NRG3: variants seen among roughly 807,000 people sequenced by gnomAD.
NRG3 encodes the protein neuregulin 3.
A neutral mutation model predicts 66.9 loss-of-function variants in NRG3; 31 were observed. The observed-to-expected ratio is 0.46, with a 90% CI of 0.35 to 0.63. The LOEUF (loss-of-function observed/expected upper bound fraction) is 0.63. Among genes scored for constraint, NRG3 ranks in the 20% least tolerant of loss-of-function variants. NRG3 has a pLI of 0.00. For synonymous variants in NRG3, 393 were observed against 359.4 expected (o/e 1.09, Z -1.06); for missense variants, 910 against 878.9 (o/e 1.04, Z -0.45).
chr10:82,577,062 T>C (rs2133175490), intron 2 of NRG3, among the ~76,000 whole-genome samples: 1 of 151,972 alleles, frequency 6.6e-6, no homozygotes, highest in East Asian at 1.9e-4. Context: ...TTTTTTTGGT[T>C]GCAGTTATTC....
chr10:82,819,783 T>C (rs183343810), intron 3 of NRG3, among the ~76,000 whole-genome samples: 90 of 152,324 alleles, frequency 5.9e-4, no homozygotes, highest in African/African-American at 1.9e-3. Flanking sequence ...TTGTGGGCTT[T>C]ACATGCTTTG....
intron 2 of NRG3, among the ~76,000 whole-genome samples, chr10:82,547,625 G>A (rs540262520): frequency 2.8e-5 from 4 of 142,952 alleles, no homozygotes; most frequent in Non-Finnish European, 6.1e-5. Flanking sequence ...ATACATATAT[G>A]TGTGTGTGTG....
chr10:82,748,953 TAG>T (rs1591399269), intron 3 of NRG3, among the ~76,000 whole-genome samples: 1 of 151,992 alleles, frequency 6.6e-6, no homozygotes, highest in South Asian at 2.1e-4. Context: ...CGCTTTCCCA[TAG>T]AGTTATAATT....
At chr10:82,159,479 A>G (rs1302548880) in intron 1 of NRG3, among the ~76,000 whole-genome samples, 2 of 151,834 alleles carry the variant, frequency 1.3e-5, no homozygotes, top group Non-Finnish European at 2.9e-5. Flanking sequence ...TCATTCCGGA[A>G]TCAGTTTCCT....
chr10:82,617,650 C>T (rs1162022655), intron 2 of NRG3, among the ~76,000 whole-genome samples: 1 of 152,102 alleles, frequency 6.6e-6, no homozygotes, highest in African/African-American at 2.4e-5. Context: ...TTAGGAAAAA[C>T]AATGTCAAAA....
chr10:82,309,142 A>G (rs527682158), intron 1 of NRG3, among the ~76,000 whole-genome samples: 11 of 152,326 alleles, frequency 7.2e-5, no homozygotes, highest in Non-Finnish European at 1.5e-4. Context: ...ATTAATTCCT[A>G]AGATCCCGTC....
intron 1 of NRG3, among the ~76,000 whole-genome samples, chr10:81,972,680 T>C (rs2059974823): frequency 6.6e-6 from 1 of 152,146 alleles, no homozygotes; most frequent in African/African-American, 2.4e-5. Flanking sequence ...ATTAGTGATC[T>C]GTGGGGCAAC....
chr10:82,551,069 A>G (rs1046835543), intron 2 of NRG3, among the ~76,000 whole-genome samples: 3 of 152,156 alleles, frequency 2.0e-5, no homozygotes, highest in African/African-American at 7.2e-5. Context: ...CCAATGACAT[A>G]ATATTTGCCT....
At chr10:82,238,496 G>C (rs1589430713) in intron 1 of NRG3, among the ~76,000 whole-genome samples, 1 of 152,094 alleles carries the variant, frequency 6.6e-6, no homozygotes, top group African/African-American at 2.4e-5. Flanking sequence ...GGATTTGATT[G>C]CAAGTTTCTT....
At chr10:82,765,917 G>A (rs2059496443) in intron 3 of NRG3, among the ~76,000 whole-genome samples, 1 of 152,140 alleles carries the variant, frequency 6.6e-6, no homozygotes, top group African/African-American at 2.4e-5. Flanking sequence ...TTTAATATCA[G>A]ATTTGATTTC....
At chr10:82,030,020 C>T (rs1056131917) in intron 1 of NRG3, among the ~76,000 whole-genome samples, 7 of 152,032 alleles carry the variant, frequency 4.6e-5, no homozygotes, top group African/African-American at 1.2e-4. Flanking sequence ...GTCACAAATA[C>T]GAGTTGAAAT....
intron 1 of NRG3, among the ~76,000 whole-genome samples, chr10:82,073,654 T>G (rs560022306): frequency 6.6e-6 from 1 of 152,290 alleles, no homozygotes; most frequent in East Asian, 1.9e-4. Flanking sequence ...AATAGGGATG[T>G]GCTATAATTT....
chr10:82,897,947 G>C (rs1040330999), intron 4 of NRG3, among the ~76,000 whole-genome samples: 2 of 152,224 alleles, frequency 1.3e-5, no homozygotes, highest in African/African-American at 4.8e-5. Flanking sequence ...ATTAATATAT[G>C]TTCACTTAGC....
chr10:82,061,957 A>G (rs2064178178), intron 1 of NRG3, among the ~76,000 whole-genome samples: 3 of 152,186 alleles, frequency 2.0e-5, no homozygotes, highest in African/African-American at 7.2e-5. Flanking sequence ...GCAATTATAT[A>G]TAGAAATTAG....
At chr10:82,588,265 G>A (rs1004870139) in intron 2 of NRG3, among the ~76,000 whole-genome samples, 6 of 152,154 alleles carry the variant, frequency 3.9e-5, no homozygotes, top group Admixed American at 1.3e-4. Context: ...ATCATAGGGA[G>A]CACCATCCTC....
chr10:82,965,261 G>A (rs1357766845), intron 6 of NRG3, among the ~76,000 whole-genome samples: 1 of 152,112 alleles, frequency 6.6e-6, no homozygotes, highest in African/African-American at 2.4e-5. Flanking sequence ...CTGTGTCAAG[G>A]AAATAACATA....
At chr10:82,408,103 GAA>G (rs1262664255) in intron 2 of NRG3, among the ~76,000 whole-genome samples, 1 of 130,078 alleles carries the variant, frequency 7.7e-6, no homozygotes, top group African/African-American at 3.1e-5. Context: ...AAGAAAGAAA[GAA>G]AGAAAGAAAG....
chr10:82,827,536 AG>A (rs2062295877), intron 3 of NRG3, among the ~76,000 whole-genome samples: 1 of 152,214 alleles, frequency 6.6e-6, no homozygotes, highest in Non-Finnish European at 1.5e-5. Flanking sequence ...CAGAAATGAA[AG>A]AAAAAACCCT....
chr10:82,032,392 T>TTGTTGC (rs1160231222), intron 1 of NRG3, among the ~76,000 whole-genome samples: 2 of 11,068 alleles, frequency 1.8e-4, no homozygotes, highest in Non-Finnish European at 5.5e-4. Flanking sequence ...GGTTCCTGGT[T>TTGTTGC]TGTTGTTGTT....
Sources: gnomAD v4.1 joint callset for allele counts (sites outside exome capture counted in the v4.1 genomes callset) on GRCh38, gnomAD v4.1.1 for gene constraint, MANE v1.5 for transcripts, NCBI Gene and HGNC (gene_info 2026-07-23, HGNC 2026-07-21) for gene names.